Variants in GPATCH2 observed in about 807,000 individuals in gnomAD.
The protein encoded by GPATCH2 is G patch domain-containing protein 2.
GPATCH2 carries 51 observed loss-of-function variants against 58.0 expected under a neutral mutation model. That is an observed-to-expected ratio of 0.88 (90% confidence interval 0.70 to 1.11). The LOEUF (loss-of-function observed/expected upper bound fraction) is 1.11, where lower values mean the gene tolerates loss of function less well. Among genes scored for constraint, GPATCH2 ranks in the 50% most tolerant of loss-of-function variants. GPATCH2 has a pLI of 0.00. For missense variants in GPATCH2, 625 were observed against 652.2 expected, an observed-to-expected ratio of 0.96 and a Z score of 0.45; for synonymous variants, 222 against 218.5, an observed-to-expected ratio of 1.02 and a Z score of -0.14.
At chr1:217,498,720 C>G in intron 6 of GPATCH2, 1 of 439,226 alleles carries the variant, frequency 2.3e-6, no homozygotes, top group Non-Finnish European at 4.1e-6. Context: ...CTATCATTTA[C>G]CACAACTTAA....
At chr1:217,482,809 TC>T (rs1661271251) in intron 8 of GPATCH2, among the ~76,000 whole-genome samples, 1 of 152,166 alleles carries the variant, frequency 6.6e-6, no homozygotes, top group Non-Finnish European at 1.5e-5. Context: ...TTTGACACAT[TC>T]ATACACACGT....
chr1:217,435,516 G>A (rs1658782354), intron 9 of GPATCH2, among the ~76,000 whole-genome samples: 3 of 152,120 alleles, frequency 2.0e-5, no homozygotes, highest in Admixed American at 2.0e-4. Flanking sequence ...CCAATGGAAG[G>A]GGAGGTGACA....
At chr1:217,596,505 A>G (rs929534717) in intron 5 of GPATCH2, among the ~76,000 whole-genome samples, 1 of 152,196 alleles carries the variant, frequency 6.6e-6, no homozygotes, top group Non-Finnish European at 1.5e-5. Flanking sequence ...TGAACATTAA[A>G]TGATTTGATA....
intron 9 of GPATCH2, among the ~76,000 whole-genome samples, chr1:217,441,381 T>TA: frequency 6.6e-6 from 1 of 152,234 alleles, no homozygotes; most frequent in Middle Eastern, 3.4e-3. Flanking sequence ...ACGTAACATC[T>TA]AAAACCATAA....
intron 5 of GPATCH2, among the ~76,000 whole-genome samples, chr1:217,536,623 C>T (rs527670917): frequency 6.6e-6 from 1 of 152,140 alleles, no homozygotes; most frequent in East Asian, 1.9e-4. Flanking sequence ...AAGGTTTTAC[C>T]TAGATGGTAA....
At chr1:217,549,938 A>C (rs1665265014) in intron 5 of GPATCH2, among the ~76,000 whole-genome samples, 1 of 152,190 alleles carries the variant, frequency 6.6e-6, no homozygotes, top group Non-Finnish European at 1.5e-5. Flanking sequence ...AATTATATAC[A>C]AACAAAATCA....
In GPATCH2 at chr1:217,428,199, G is replaced by A. The variant is rs1658398717; in HGVS notation, c.*2946C>T. ...TCATGCTCAGCGTCTCTAGGCTATTGCAGGTAATTAGGATAGAAAAGGGAG... is the reference window on the plus strand; with the variant it reads ...TCATGCTCAGCGTCTCTAGGCTATTACAGGTAATTAGGATAGAAAAGGGAG... On this transcript the variant is annotated 3_prime_UTR_variant, in exon 10 of 10. Coordinates refer to ENST00000366935, the MANE Select transcript of GPATCH2 (RefSeq NM_018040.5). 1 of 152,154 alleles carries A rather than the reference G, an allele frequency of 6.6e-6. No homozygotes were observed. Among genetic ancestry groups the A allele is most frequent in the Non-Finnish European group, 1.5e-5 (1 of 68,012 alleles). 9.4% of individuals were successfully genotyped at this position (152,154 alleles called of 1,614,324 possible).
chr1:217,486,180 T>C (rs768337480), intron 8 of GPATCH2, among the ~76,000 whole-genome samples: 17 of 152,228 alleles, frequency 1.1e-4, no homozygotes, highest in South Asian at 1.0e-3. Context: ...TCTCCAGTTA[T>C]GCAGATCTTA....
intron 5 of GPATCH2, among the ~76,000 whole-genome samples, chr1:217,573,322 G>C (rs1384418115): frequency 6.6e-6 from 1 of 151,940 alleles, no homozygotes; most frequent in Non-Finnish European, 1.5e-5. Context: ...AGTTGCATTA[G>C]AAGCATTAAA....
intron 5 of GPATCH2, among the ~76,000 whole-genome samples, chr1:217,554,361 C>A (rs928229574): frequency 1.3e-5 from 2 of 152,172 alleles, no homozygotes; most frequent in Admixed American, 6.6e-5. Context: ...AAAGTCACAG[C>A]AGCATGTAGT....
chr1:217,540,351 C>G (rs955717603), intron 5 of GPATCH2, among the ~76,000 whole-genome samples: 4 of 152,088 alleles, frequency 2.6e-5, no homozygotes, highest in Non-Finnish European at 4.4e-5. Flanking sequence ...TCAGGCTGTT[C>G]CTGTATTTTC....
At chr1:217,624,186 C>T (rs1669336247) in intron 1 of GPATCH2, among the ~76,000 whole-genome samples, 1 of 152,080 alleles carries the variant, frequency 6.6e-6, no homozygotes, top group Admixed American at 6.6e-5. Flanking sequence ...ATATTATAGT[C>T]AATTAACGTC....
At chr1:217,581,503 G>T (rs2102743451) in intron 5 of GPATCH2, among the ~76,000 whole-genome samples, 1 of 152,270 alleles carries the variant, frequency 6.6e-6, no homozygotes, top group Middle Eastern at 3.4e-3. Flanking sequence ...AATATACGAT[G>T]CAAGGCAAAG....
chr1:217,616,465 G>C (rs1668890313), intron 2 of GPATCH2, among the ~76,000 whole-genome samples: 1 of 152,064 alleles, frequency 6.6e-6, no homozygotes, highest in Non-Finnish European at 1.5e-5. Flanking sequence ...AGCTCTTGAA[G>C]ATATAAGGAA....
chr1:217,449,403 G>A lies in GPATCH2; in HGVS notation c.1278-66C>T, dbSNP rs1308602322. 10 of 928,100 alleles carry A rather than the reference G, an allele frequency of 1.1e-5. No individual in the cohort carries two copies. In the Admixed American group the frequency reaches 1.7e-4, roughly 16 times the overall value. 57.5% of individuals were successfully genotyped at this position (928,100 alleles called of 1,614,324 possible). A position where few individuals can be genotyped will look rare whatever the true frequency, so the allele number is the denominator to read the frequency against. On this transcript the variant is annotated intron_variant, in intron 8 of 9. Transcript: ENST00000366935. ...AAAATGACACATAAATACACAGCTT[G>A]TATCATCTGAACCTAAATCAAAACG...
Position 217,631,015 on chromosome 1 carries a change from C to G in GPATCH2, c.-44G>C, listed in dbSNP as rs757090134. The G allele has an allele frequency of 3.9e-6, 6 of 1,536,884 alleles. No individual in the cohort carries two copies. Among genetic ancestry groups the G allele is most frequent in the Non-Finnish European group, 5.3e-6 (6 of 1,136,998 alleles). On this transcript the variant is annotated 5_prime_UTR_variant, in exon 1 of 10. Transcript: ENST00000366935. Reference sequence around the variant, plus strand: ...TGGCCTCGAAGCTCAGGCCCGTGAACAGACTCCAACTACAACAGCACCGGC... The same window carrying G: ...TGGCCTCGAAGCTCAGGCCCGTGAAGAGACTCCAACTACAACAGCACCGGC...
intron 5 of GPATCH2, among the ~76,000 whole-genome samples, chr1:217,601,044 A>C (rs1194066153): frequency 1.3e-5 from 2 of 152,184 alleles, no homozygotes; most frequent in Non-Finnish European, 2.9e-5. Context: ...AGTGAGAAAA[A>C]TAAAATGCAG....
intron 5 of GPATCH2, among the ~76,000 whole-genome samples, chr1:217,543,356 G>A (rs930258730): frequency 4.2e-5 from 6 of 141,834 alleles, no homozygotes; most frequent in East Asian, 2.4e-4. Context: ...TGCAAGCTCC[G>A]CCTCCCAGGT....
intron 5 of GPATCH2, among the ~76,000 whole-genome samples, chr1:217,549,042 C>T (rs1399040625): frequency 2.6e-5 from 4 of 152,104 alleles, no homozygotes; most frequent in African/African-American, 9.7e-5. Context: ...CAGGTGCAAA[C>T]AAATGTCTGT....
Sources: gnomAD v4.1 joint callset for allele counts (sites outside exome capture counted in the v4.1 genomes callset) on GRCh38, gnomAD v4.1.1 for gene constraint, MANE v1.5 for transcripts, NCBI Gene and HGNC (gene_info 2026-07-23, HGNC 2026-07-21) for gene names.